The following KHDRBS2 variants were observed in gnomAD, a reference collection of about 807,000 sequenced individuals.
The protein encoded by KHDRBS2 is KH RNA binding domain containing, signal transduction associated 2.
A neutral mutation model predicts 44.3 loss-of-function variants in KHDRBS2; 26 were observed. The ratio of observed to expected loss-of-function variants is 0.59; its 90% CI spans 0.43 to 0.81. The LOEUF (loss-of-function observed/expected upper bound fraction) is 0.81, where lower values mean the gene tolerates loss of function less well. Ranked by LOEUF, KHDRBS2 falls within the 40% of genes least tolerant of loss-of-function variation. The probability of loss-of-function intolerance (pLI) is 0.00; values close to 1 mark genes in which losing one functional copy is unlikely to be tolerated. For synonymous variants in KHDRBS2, 194 were observed against 151.1 expected (o/e 1.28, Z -2.08); for missense variants, 476 against 433.1 (o/e 1.10, Z -0.88).
At chr6:61,635,227 A>G in the KHDRBS2 span, among the ~76,000 whole-genome samples, 1 of 152,068 alleles carries the variant, frequency 6.6e-6, no homozygotes, top group South Asian at 2.1e-4. Context: ...ATACCAGCCC[A>G]TTGGTAAACA....
chr6:61,746,321 C>T (rs548695154), intron 6 of KHDRBS2, among the ~76,000 whole-genome samples: 18 of 152,148 alleles, frequency 1.2e-4, no homozygotes, highest in East Asian at 7.7e-4. Context: ...CCCCCATCCC[C>T]GACAGGCCAC....
intron 1 of KHDRBS2, among the ~76,000 whole-genome samples, chr6:62,238,214 T>A (rs1455050711): frequency 1.3e-5 from 2 of 152,182 alleles, no homozygotes; most frequent in East Asian, 3.9e-4. Context: ...ATTAATAATA[T>A]GTATGAAAAA....
chr6:62,102,907 ATGGACAAC>A (rs1802231106), intron 2 of KHDRBS2, among the ~76,000 whole-genome samples: 1 of 152,168 alleles, frequency 6.6e-6, no homozygotes, highest in Admixed American at 6.5e-5. Context: ...ATGAGGTTAC[ATGGACAAC>A]TGGAGGGTGA....
chr6:61,961,444 GAGAAAA>G lies in KHDRBS2; in HGVS notation c.483+16616_483+16621del, dbSNP rs964878306. Among the ~76,000 whole-genome samples, 3 of 115,722 alleles carry G rather than the reference GAGAAAA, an allele frequency of 2.6e-5. No individual in the cohort carries two copies. In the Admixed American group the frequency reaches 2.7e-4, roughly 10 times the overall value. The allele number at this position is 115,722 out of a possible 152,430, so 75.9% of individuals were successfully genotyped here. ...GAAGAGAGAGAGAGAAAGAAAGAAA[GAGAAAA>G]AAAGAGATGGAGGAAGGAAGGAAGG... On this transcript the variant is annotated intron_variant, in intron 4 of 8. Transcript: ENST00000281156.
intron 2 of KHDRBS2, among the ~76,000 whole-genome samples, chr6:62,159,643 T>A (rs1817208416): frequency 6.6e-6 from 1 of 152,088 alleles, no homozygotes; most frequent in Non-Finnish European, 1.5e-5. Context: ...TTGACTCCCC[T>A]AAAATTTAAA....
chr6:61,827,593 C>T (rs576905551), intron 6 of KHDRBS2, among the ~76,000 whole-genome samples: 30 of 152,202 alleles, frequency 2.0e-4, no homozygotes, highest in African/African-American at 6.3e-4. Flanking sequence ...TTTGTCCACT[C>T]GGGTTGCCTT....
chr6:61,755,394 T>C (rs1778341461), intron 6 of KHDRBS2, among the ~76,000 whole-genome samples: 1 of 152,088 alleles, frequency 6.6e-6, no homozygotes, highest in African/African-American at 2.4e-5. Flanking sequence ...GAAGGAAACC[T>C]CCTAATGAGG....
At chr6:62,265,513 T>C (rs1421070236) in intron 1 of KHDRBS2, among the ~76,000 whole-genome samples, 1 of 151,992 alleles carries the variant, frequency 6.6e-6, no homozygotes, top group African/African-American at 2.4e-5. Flanking sequence ...TAAAGATGAA[T>C]TTAAAAAGAT....
intron 6 of KHDRBS2, among the ~76,000 whole-genome samples, chr6:61,884,786 A>G (rs1021054539): frequency 1.2e-4 from 19 of 152,174 alleles, no homozygotes; most frequent in African/African-American, 4.1e-4. Flanking sequence ...GACTTTTAGT[A>G]CCAGCAAGAA....
intron 1 of KHDRBS2, among the ~76,000 whole-genome samples, chr6:62,239,933 C>T (rs1834329782): frequency 6.6e-6 from 1 of 152,096 alleles, no homozygotes; most frequent in African/African-American, 2.4e-5. Context: ...GGTCCACCTA[C>T]CTTGGCCTCC....
At chr6:61,636,833 T>G in the KHDRBS2 span, among the ~76,000 whole-genome samples, 2 of 152,028 alleles carry the variant, frequency 1.3e-5, no homozygotes, top group African/African-American at 4.8e-5. Flanking sequence ...TACAAGCCTT[T>G]GAAATACTAG....
At chr6:61,837,522 C>A (rs1403808719) in intron 6 of KHDRBS2, among the ~76,000 whole-genome samples, 4 of 151,934 alleles carry the variant, frequency 2.6e-5, no homozygotes, top group African/African-American at 9.7e-5. Context: ...ACATTTACTT[C>A]CAGAGGCAAT....
intron 2 of KHDRBS2, among the ~76,000 whole-genome samples, chr6:62,095,165 GA>G: frequency 6.6e-6 from 1 of 151,652 alleles, no homozygotes; most frequent in East Asian, 1.9e-4. Context: ...TTCTACATCT[GA>G]AAAAGAAATA....
At chr6:62,026,212 C>G (rs1783276393) in intron 3 of KHDRBS2, among the ~76,000 whole-genome samples, 1 of 151,254 alleles carries the variant, frequency 6.6e-6, no homozygotes, top group African/African-American at 2.4e-5. Context: ...ATATAAATGA[C>G]AGAATTCTAT....
chr6:62,038,087 T>C (rs1254471485), intron 3 of KHDRBS2, among the ~76,000 whole-genome samples: 1 of 152,068 alleles, frequency 6.6e-6, no homozygotes, highest in Non-Finnish European at 1.5e-5. Flanking sequence ...ACTATTCACA[T>C]GAAATGCCTC....
rs1357508357 is a variant in KHDRBS2, at chr6:61,841,415, T to C, written c.810+53220A>G. Among the ~76,000 whole-genome samples, 4 of 152,280 alleles carry C rather than the reference T, an allele frequency of 2.6e-5. No individual in the cohort carries two copies. In the East Asian group the frequency reaches 5.8e-4, roughly 22 times the overall value. On this transcript the variant is annotated intron_variant, in intron 6 of 8. Transcript: ENST00000281156. ...ATACATTTATAACATAAAATAATTA[T>C]TTTAAATAATTCTGTTTAAAATAAA...
intron 3 of KHDRBS2, among the ~76,000 whole-genome samples, chr6:61,993,306 T>C (rs1405382644): frequency 3.9e-5 from 6 of 152,068 alleles, no homozygotes; most frequent in Non-Finnish European, 8.8e-5. Flanking sequence ...AAACCTTTCA[T>C]CACCACCTAC....
intron 3 of KHDRBS2, among the ~76,000 whole-genome samples, chr6:62,035,767 A>G (rs1235508797): frequency 6.6e-6 from 1 of 152,028 alleles, no homozygotes; most frequent in Non-Finnish European, 1.5e-5. Context: ...CCATAAATAT[A>G]TACACCTATG....
At chr6:62,136,993 C>CTTTTTTTT (rs141092447) in intron 2 of KHDRBS2, among the ~76,000 whole-genome samples, 27 of 78,306 alleles carry the variant, frequency 3.4e-4, no homozygotes, top group African/African-American at 4.2e-4. Flanking sequence ...TCTTTCTTTT[C>CTTTTTTTT]TTTTTTTTTT....
Sources: allele counts gnomAD v4.1 joint callset (sites outside exome capture counted in the v4.1 genomes callset), GRCh38; gene constraint gnomAD v4.1.1; transcripts MANE v1.5; gene names NCBI Gene and HGNC (gene_info 2026-07-23, HGNC 2026-07-21).